Variants in SNX15 observed in about 807,000 individuals in gnomAD.
The protein encoded by SNX15 is sorting nexin-15.
In SNX15, 29 loss-of-function variants were observed where a neutral mutation model predicts 35.2. The ratio of observed to expected loss-of-function variants is 0.82; its 90% CI spans 0.61 to 1.12. The LOEUF (loss-of-function observed/expected upper bound fraction) is 1.12. Among genes scored for constraint, SNX15 ranks in the 50% most tolerant of loss-of-function variants. The pLI is 0.00. For synonymous variants in SNX15, 189 were observed against 188.2 expected, an observed-to-expected ratio of 1.00 and a Z score of -0.03; for missense variants, 400 against 451.5, an observed-to-expected ratio of 0.89 and a Z score of 1.03.
intron 1 of SNX15, 25 bp from the exon 2 acceptor site, chr11:65,032,143 A>G (rs1209652814): frequency 3.7e-6 from 6 of 1,613,778 alleles, no homozygotes; most frequent in East Asian, 4.5e-5. Context: ...TCTGGTCTCA[A>G]CCAGCTCTTG....
intron 3 of SNX15, among the ~76,000 whole-genome samples, chr11:65,033,372 G>A (rs535688001): frequency 1.5e-4 from 23 of 151,806 alleles, no homozygotes; most frequent in African/African-American, 4.3e-4. Flanking sequence ...GTGAAACCCC[G>A]TCCCTACTAA....
chr11:65,027,534 T>G lies in SNX15; in HGVS notation c.-4T>G. The G allele has an allele frequency of 6.2e-7, 1 of 1,613,202 alleles. No individual in the cohort carries two copies. Among genetic ancestry groups the G allele is most frequent in the Non-Finnish European group, 8.5e-7 (1 of 1,179,654 alleles). ...GGCGCTCCGCTCCGCTCCAGCTCGGTTTCATGTCCCGCCAGGCGAAGGATG... is the reference window on the plus strand; with the variant it reads ...GGCGCTCCGCTCCGCTCCAGCTCGGGTTCATGTCCCGCCAGGCGAAGGATG... On this transcript the variant is annotated 5_prime_UTR_variant, in exon 1 of 8. Coordinates refer to ENST00000377244, the MANE Select transcript of SNX15 (RefSeq NM_013306.5).
intron 7 of SNX15, among the ~76,000 whole-genome samples, 177 bp from the exon 8 acceptor site, chr11:65,039,509 A>G (rs1946551615): frequency 1.3e-5 from 2 of 152,174 alleles, no homozygotes; most frequent in Non-Finnish European, 2.9e-5. Flanking sequence ...GGCGTGAGCC[A>G]CCGCGCCCAG....
chr11:65,028,822 G>A (rs943040912), intron 1 of SNX15, among the ~76,000 whole-genome samples: 8 of 151,336 alleles, frequency 5.3e-5, no homozygotes, highest in South Asian at 2.1e-4. Flanking sequence ...GGCCGGGCGC[G>A]GTGGCTCACG....
In SNX15 at chr11:65,034,869, C is replaced by A; in HGVS notation, c.279C>A (p.Ile93=). 6.2e-7 allele frequency: 1 copy of A among 1,613,946 alleles called. No individual in the cohort carries two copies. The highest frequency in any genetic ancestry group is 8.5e-7 in the Non-Finnish European group (1 of 1,179,870). Residue 93 remains isoleucine, a synonymous_variant, in exon 4 of 8, where the codon ATC becomes ATA. Transcript: ENST00000377244. ...TAGGCCGGTTTGAAGCCTCAGTGAT[C>A]GAGGAGCGGCGAAAGGGGGCAGAGG... ...QVFGRFEASV[I]EERRKGAEDL... is the part of the protein sequence containing the mutation.
intron 1 of SNX15, among the ~76,000 whole-genome samples, chr11:65,031,215 G>A (rs899549583): frequency 4.6e-5 from 7 of 151,758 alleles, no homozygotes; most frequent in Non-Finnish European, 8.8e-5. Flanking sequence ...GCAGATACTG[G>A]GTGTCACTAT....
In SNX15 at chr11:65,035,758, A is replaced by G. The variant is rs916437093; in HGVS notation, c.664+95A>G. 5.3e-6 allele frequency: 7 copies of G among 1,314,500 alleles called. No individual in the cohort carries two copies. The Admixed American group carries it at 9.9e-5, about 19-fold the overall frequency. The allele number at this position is 1,314,500 out of a possible 1,614,324, so 81.4% of individuals were successfully genotyped here. On this transcript the variant is annotated intron_variant, in intron 6 of 7. Transcript: ENST00000377244. ...CCACTAGCCTGCTCAGTGCCTGCGC[A>G]GATCAGGGAGAGACGTCTCCTCAGC...
Position 65,039,716 on chromosome 11 carries a change from TGAA to T in SNX15, c.961_963del (p.Lys321del), listed in dbSNP as rs758825556. 10 of 1,613,482 alleles carry T rather than the reference TGAA, an allele frequency of 6.2e-6. No homozygotes were observed. Among genetic ancestry groups the T allele is most frequent in the Middle Eastern group, 1.6e-4 (1 of 6,084 alleles). On this transcript the variant is annotated inframe_deletion, in exon 8 of 8. Transcript: ENST00000377244. ...CCGTTGCCTGCCCGCCAGGAAGGTG[TGAA>T]GAAGAAGGCAGCTGAGTACCTGAAG...
At chr11:65,038,481 A>C in intron 6 of SNX15, 91 bp from the exon 7 acceptor site, 2 of 1,460,120 alleles carry the variant, frequency 1.4e-6, no homozygotes, top group Non-Finnish European at 1.8e-6. Flanking sequence ...ACAGGCTGAT[A>C]CCCTGATGGA....
chr11:65,032,515 G>C lies in SNX15; in HGVS notation c.220G>C (p.Glu74Gln). 1 of 1,614,116 alleles carries C rather than the reference G, an allele frequency of 6.2e-7. No homozygotes were observed. Among genetic ancestry groups the C allele is most frequent in the Non-Finnish European group, 8.5e-7 (1 of 1,180,016 alleles). Reference protein sequence around the residue: ...YTHRNLFRRLEEFPAFPRAQV... With the variant: ...YTHRNLFRRLQEFPAFPRAQV... ...CCACCGCAACCTCTTCCGCCGCCTCGAGGAGTTCCCTGCTTTCCCCCGGGC... is the reference window on the plus strand; with the variant it reads ...CCACCGCAACCTCTTCCGCCGCCTCCAGGAGTTCCCTGCTTTCCCCCGGGC... Residue 74 changes from glutamate (E) to glutamine (Q), a missense_variant, in exon 3 of 8, where the codon GAG becomes CAG. By Grantham distance (29) the Glu-to-Gln change is conservative. Coordinates refer to ENST00000377244, the MANE Select transcript of SNX15 (RefSeq NM_013306.5).
chr11:65,033,590 A>C (rs1005960951), intron 3 of SNX15, among the ~76,000 whole-genome samples: 1 of 152,010 alleles, frequency 6.6e-6, no homozygotes, highest in East Asian at 1.9e-4. Context: ...CTATTATTTA[A>C]TCTAGCTGCT....
chr11:65,038,330 G>A, intron 6 of SNX15: 1 of 1,185,952 alleles, frequency 8.4e-7, no homozygotes, highest in Non-Finnish European at 1.1e-6. Context: ...ACAAACTAGA[G>A]TGTGTACCTA....
chr11:65,032,613 T>G lies in SNX15; in HGVS notation c.256+62T>G, dbSNP rs761580904. On this transcript the variant is annotated intron_variant, in intron 3 of 7. Coordinates refer to ENST00000377244, the MANE Select transcript of SNX15 (RefSeq NM_013306.5). ...AGGGAGCATTGGGCAAAAGGGGACC[T>G]CCGCCAGTGGGGGCTGGATAGAGAG... 5.7e-5 allele frequency: 92 copies of G among 1,603,280 alleles called. No individual in the cohort carries two copies. In the Middle Eastern group the frequency reaches 6.6e-4, roughly 12 times the overall value.
In SNX15 at chr11:65,036,628, CA is replaced by C. The variant is rs1335543256; in HGVS notation, c.664+966del. On this transcript the variant is annotated intron_variant, in intron 6 of 7. Coordinates refer to ENST00000377244, the MANE Select transcript of SNX15 (RefSeq NM_013306.5). ...CCGACCTCAGGTGGTGCGCCCGCCTCAGCCTCTGAAAGTGCTGGGATTACGG... is the reference window on the plus strand; with the variant it reads ...CCGACCTCAGGTGGTGCGCCCGCCTCGCCTCTGAAAGTGCTGGGATTACGG... 2.0e-5 allele frequency: 3 copies of C among 150,534 alleles called. No individual in the cohort carries two copies. The East Asian group carries it at 5.9e-4, about 30-fold the overall frequency. The allele number at this position is 150,534 out of a possible 1,614,324, so 9.3% of individuals were successfully genotyped here.
intron 6 of SNX15, chr11:65,036,696 G>C (rs964479836): frequency 6.7e-6 from 1 of 148,190 alleles, no homozygotes; most frequent in Non-Finnish European, 1.5e-5. Flanking sequence ...TTTTGAGATC[G>C]AGTCTTGCTC....
At chr11:65,035,037 G>A (rs777548818) in intron 4 of SNX15, 22 bp from the exon 5 acceptor site, 1 of 1,613,832 alleles carries the variant, frequency 6.2e-7, no homozygotes, top group Non-Finnish European at 8.5e-7. Context: ...GACTCCCCAT[G>A]TCTGATCTTT....
In SNX15 at chr11:65,035,770, G is replaced by C. The variant is rs144205013; in HGVS notation, c.664+107G>C. ...TCAGTGCCTGCGCAGATCAGGGAGA[G>C]ACGTCTCCTCAGCAGTGCTGCCCTG... On this transcript the variant is annotated intron_variant, in intron 6 of 7. Transcript: ENST00000377244. 10,165 of 1,233,116 alleles carry C rather than the reference G, an allele frequency of 8.2e-3. 49 individuals are homozygous for C. The highest frequency in any genetic ancestry group is 0.01 in the Non-Finnish European group (9,071 of 895,862). 76.4% of individuals were successfully genotyped at this position (1,233,116 alleles called of 1,614,324 possible).
intron 3 of SNX15, among the ~76,000 whole-genome samples, chr11:65,033,629 A>G (rs1946466571): frequency 6.6e-6 from 1 of 151,970 alleles, no homozygotes; most frequent in Admixed American, 6.6e-5. Flanking sequence ...TATGTAGCTC[A>G]TATCTGTATT....
At chr11:65,038,430 C>T (rs568401339) in intron 6 of SNX15, 142 bp from the exon 7 acceptor site, 116 of 1,211,368 alleles carry the variant, frequency 9.6e-5, no homozygotes, top group East Asian at 8.3e-4. Context: ...GATCCACAGA[C>T]GACTTCTGGA....
Sources: gnomAD v4.1 joint callset for allele counts (sites outside exome capture counted in the v4.1 genomes callset) on GRCh38, gnomAD v4.1.1 for gene constraint, MANE v1.5 for transcripts, NCBI Gene and HGNC (gene_info 2026-07-23, HGNC 2026-07-21) for gene names.